The following YES1 variants were observed in gnomAD, a reference collection of about 807,000 sequenced individuals.
YES1 encodes tyrosine-protein kinase Yes.
Under a neutral mutation model 70.4 loss-of-function variants are expected in YES1, and 39 were observed. The observed-to-expected ratio is 0.55, with a 90% CI of 0.43 to 0.72. The LOEUF (loss-of-function observed/expected upper bound fraction) is 0.72, where lower values mean the gene tolerates loss of function less well. Ranked by LOEUF, YES1 falls within the 30% of genes least tolerant of loss-of-function variation. The pLI is 0.00. For synonymous variants in YES1, 198 were observed against 218.6 expected (o/e 0.91, Z 0.83); for missense variants, 495 against 644.8 (o/e 0.77, Z 2.52).
chr18:768,475 A>G (rs1431626221), intron 1 of YES1, among the ~76,000 whole-genome samples: 2 of 152,156 alleles, frequency 1.3e-5, no homozygotes, highest in Non-Finnish European at 2.9e-5. Context: ...TTTTCAGTGT[A>G]CAGGTCTTGT....
chr18:734,939 C>A (rs1260407059), intron 10 of YES1, among the ~76,000 whole-genome samples: 1 of 152,096 alleles, frequency 6.6e-6, no homozygotes, highest in African/African-American at 2.4e-5. Flanking sequence ...GTGTGGATCA[C>A]CTGAGGTCAG....
intron 1 of YES1, among the ~76,000 whole-genome samples, chr18:772,249 A>T (rs1905193768): frequency 6.6e-6 from 1 of 151,848 alleles, no homozygotes; most frequent in African/African-American, 2.4e-5. Context: ...GGCTGGTCTC[A>T]AACTCCCAAC....
Position 798,449 on chromosome 18 carries a change from T to C in YES1, c.-9+13665A>G, listed in dbSNP as rs1326980838. Among the ~76,000 whole-genome samples the C allele has an allele frequency of 4.6e-5, 7 of 152,228 alleles. No individual in the cohort carries two copies. The East Asian group carries it at 1.4e-3, about 29-fold the overall frequency. ...ATGAGTTTCTCCTTCTGACTTACAG[T>C]GCATGCATTAAAACAAAAACAATAC... On this transcript the variant is annotated intron_variant, in intron 1 of 11. Coordinates refer to ENST00000314574, the MANE Select transcript of YES1 (RefSeq NM_005433.4).
intron 6 of YES1, among the ~76,000 whole-genome samples, chr18:745,130 A>G (rs1281764162): frequency 6.6e-6 from 1 of 152,176 alleles, no homozygotes; most frequent in African/African-American, 2.4e-5. Context: ...AATCATGTAA[A>G]GACTTTCAGG....
At chr18:732,735 A>G in intron 11 of YES1, 99 bp downstream of exon 11, 1 of 1,485,678 alleles carries the variant, frequency 6.7e-7, no homozygotes, top group Non-Finnish European at 9.3e-7. Context: ...GGACTATGAG[A>G]AGAAATAAAG....
chr18:776,541 T>C (rs1905393924), intron 1 of YES1, among the ~76,000 whole-genome samples: 1 of 152,226 alleles, frequency 6.6e-6, no homozygotes, highest in African/African-American at 2.4e-5. Flanking sequence ...CCTTTTCTTA[T>C]TGACTTGTAA....
intron 3 of YES1, among the ~76,000 whole-genome samples, chr18:749,579 G>C (rs1351695570): frequency 6.6e-6 from 1 of 151,986 alleles, no homozygotes; most frequent in Non-Finnish European, 1.5e-5. Flanking sequence ...TAGAAGGCTG[G>C]GCGCGGTGGC....
chr18:802,646 T>C (rs187760688), intron 1 of YES1, among the ~76,000 whole-genome samples: 34 of 152,296 alleles, frequency 2.2e-4, no homozygotes, highest in Admixed American at 5.9e-4. Context: ...CTTTCCATCA[T>C]TGCTCCTCAT....
intron 11 of YES1, among the ~76,000 whole-genome samples, chr18:728,862 C>T (rs1383165141): frequency 3.3e-5 from 5 of 152,162 alleles, no homozygotes; most frequent in African/African-American, 4.8e-5. Context: ...TCAATCTGCA[C>T]CACCTCCTTA....
At chr18:763,610 G>A (rs1306566735) in intron 1 of YES1, among the ~76,000 whole-genome samples, 1 of 150,982 alleles carries the variant, frequency 6.6e-6, no homozygotes, top group Non-Finnish European at 1.5e-5. Flanking sequence ...GGTTGAGGTG[G>A]GAAGATCACC....
chr18:778,401 C>G (rs1905492096), intron 1 of YES1, among the ~76,000 whole-genome samples: 1 of 152,230 alleles, frequency 6.6e-6, no homozygotes, highest in Admixed American at 6.5e-5. Context: ...ACTTTGGAAA[C>G]AGCACCCTGC....
chr18:757,257 AC>A (rs981545538), intron 1 of YES1, among the ~76,000 whole-genome samples: 1 of 152,198 alleles, frequency 6.6e-6, no homozygotes, highest in African/African-American at 2.4e-5. Flanking sequence ...TAATCCCAGC[AC>A]TTTGGGAGGC....
intron 3 of YES1, among the ~76,000 whole-genome samples, chr18:751,448 TCCC>T (rs1245811528): frequency 1.2e-4 from 18 of 152,188 alleles, no homozygotes; most frequent in African/African-American, 4.3e-4. Context: ...TTGCATGTAC[TCCC>T]CTCAGTAACT....
intron 11 of YES1, among the ~76,000 whole-genome samples, chr18:726,369 G>A (rs1376897558): frequency 6.6e-6 from 1 of 151,948 alleles, no homozygotes; most frequent in Non-Finnish European, 1.5e-5. Flanking sequence ...AGGTTGCAGT[G>A]AGCTGAGATC....
intron 1 of YES1, among the ~76,000 whole-genome samples, chr18:787,563 G>A (rs961479757): frequency 1.3e-5 from 2 of 151,926 alleles, no homozygotes; most frequent in Non-Finnish European, 2.9e-5. Context: ...TACAAAGATT[G>A]GCTGGGCATG....
At chr18:756,861 G>A in intron 1 of YES1, 26 bp from the exon 2 acceptor site, 2 of 1,594,212 alleles carry the variant, frequency 1.3e-6, no homozygotes, top group Non-Finnish European at 1.7e-6. Flanking sequence ...AATATTTTGA[G>A]AGTCAGTTAA....
At chr18:792,498 C>T (rs188309179) in intron 1 of YES1, among the ~76,000 whole-genome samples, 1 of 151,550 alleles carries the variant, frequency 6.6e-6, no homozygotes, top group African/African-American at 2.4e-5. Context: ...TAGCACTATA[C>T]TCCAGCCTCA....
At chr18:776,200 T>TC (rs994872933) in intron 1 of YES1, among the ~76,000 whole-genome samples, 8 of 148,438 alleles carry the variant, frequency 5.4e-5, no homozygotes, top group African/African-American at 9.8e-5. Context: ...TACTCGATCT[T>TC]TTTTTTTTTT....
Position 745,983 on chromosome 18 carries a change from C to T in YES1, c.539G>A (p.Gly180Asp). 2 of 1,613,006 alleles carry T rather than the reference C, an allele frequency of 1.2e-6. No individual in the cohort carries two copies. Among genetic ancestry groups the T allele is most frequent in the Non-Finnish European group, 1.7e-6 (2 of 1,179,580 alleles). Residue 180 changes from glycine to aspartate, a missense_variant, in exon 5 of 12, where the codon GGT becomes GAT. By Grantham distance (94) the Gly-to-Asp change is moderately conservative (BLOSUM62 -1). Transcript: ENST00000314574. ...TTCACTCTCTCTTACTAAGAAAATA[C>T]CTCGTTGATTTCCAGGATTCAAAAG... is the stretch of plus-strand genomic sequence containing the variant. Reference protein sequence around the residue: ...RLLLNPGNQRGIFLVRESETT... With the variant: ...RLLLNPGNQRDIFLVRESETT...
Sources: allele counts gnomAD v4.1 joint callset (sites outside exome capture counted in the v4.1 genomes callset), GRCh38; gene constraint gnomAD v4.1.1; transcripts MANE v1.5; gene names NCBI Gene and HGNC (gene_info 2026-07-23, HGNC 2026-07-21).